The following PKHD1 variants were observed in gnomAD, a reference collection of about 807,000 sequenced individuals.
The protein encoded by PKHD1 is PKHD1 ciliary IPT domain containing fibrocystin/polyductin.
In PKHD1, 291 loss-of-function variants were observed where a neutral mutation model predicts 412.0. The observed-to-expected ratio is 0.71, with a 90% confidence interval of 0.64 to 0.78. The LOEUF (loss-of-function observed/expected upper bound fraction) is 0.78. Ranked by LOEUF, PKHD1 falls within the 30% of genes least tolerant of loss-of-function variation. The probability of loss-of-function intolerance (pLI) is 0.00; values close to 1 mark genes in which losing one functional copy is unlikely to be tolerated. For synonymous variants in PKHD1, 1,777 were observed against 1,821.5 expected (o/e 0.98, Z 0.62); for missense variants, 4,825 against 4,950.7 (o/e 0.97, Z 0.76).
At chr6:51,950,220 A>ATATATATAT (rs1554156415) in intron 36 of PKHD1, among the ~76,000 whole-genome samples, 1,004 of 98,284 alleles carry the variant, frequency 0.01, 8 homozygotes, top group Middle Eastern at 0.014. Flanking sequence ...GAAAAAAAAA[A>ATATATATAT]ATATATATAT....
intron 43 of PKHD1, among the ~76,000 whole-genome samples, chr6:51,889,437 G>A (rs1038752364): frequency 6.6e-6 from 1 of 152,180 alleles, no homozygotes; most frequent in Admixed American, 6.5e-5. Flanking sequence ...TGGTAGAGTT[G>A]TCATATTTAG....
chr6:51,767,091 C>A (rs1789177403), intron 55 of PKHD1, among the ~76,000 whole-genome samples: 1 of 151,944 alleles, frequency 6.6e-6, no homozygotes, highest in Non-Finnish European at 1.5e-5. Flanking sequence ...TTATTCCAGC[C>A]TGTCTTCAAC....
chr6:51,982,154 CGCCCGGCA>C, intron 35 of PKHD1, among the ~76,000 whole-genome samples: 1 of 38,868 alleles, frequency 2.6e-5, no homozygotes, highest in South Asian at 9.0e-4. Context: ...GGAGCGTCTC[CGCCCGGCA>C]GCCACCCCGT....
At chr6:51,679,710 C>T (rs1182456603) in intron 60 of PKHD1, among the ~76,000 whole-genome samples, 7 of 152,124 alleles carry the variant, frequency 4.6e-5, no homozygotes, top group East Asian at 1.9e-4. Context: ...TGACCCAACT[C>T]GGTGATTCCC....
intron 39 of PKHD1, among the ~76,000 whole-genome samples, chr6:51,910,682 T>C (rs1330091077): frequency 6.6e-6 from 1 of 152,166 alleles, no homozygotes; most frequent in Non-Finnish European, 1.5e-5. Context: ...TGGCAAAATA[T>C]GATCTCAGAA....
intron 65 of PKHD1, among the ~76,000 whole-genome samples, chr6:51,631,037 G>A (rs1767859882): frequency 6.6e-6 from 1 of 152,110 alleles, no homozygotes; most frequent in African/African-American, 2.4e-5. Flanking sequence ...GATCAAAAGT[G>A]GAGATAGCAG....
At position 52,064,965 on chromosome 6, in the gene PKHD1, G is replaced by A. The variant is rs761885512; in HGVS notation, c.966C>T (p.Thr322=). ...TGGTGGCTTCCTTACCTGGCTGAGG[G>A]GTGGTGAGCCTCACATCTTTTCCTG... is the stretch of plus-strand genomic sequence containing the variant. ...RAPGKDVRLT[T]PQPGNRGLLF... Residue 322 remains threonine, a synonymous_variant, in exon 13 of 67, where the codon ACC becomes ACT. Transcript: ENST00000371117. 1.3e-6 allele frequency: 2 copies of A among 1,594,944 alleles called. No individual in the cohort carries two copies. Among genetic ancestry groups the A allele is most frequent in the African/African-American group, 1.4e-5 (1 of 72,448 alleles).
At chr6:51,965,220 T>C (rs1180457584) in intron 35 of PKHD1, among the ~76,000 whole-genome samples, 16 of 152,126 alleles carry the variant, frequency 1.1e-4, no homozygotes, top group Admixed American at 9.8e-4. Flanking sequence ...AATAGCCAGA[T>C]AATTAAAGTG....
intron 35 of PKHD1, among the ~76,000 whole-genome samples, chr6:52,006,345 GT>G (rs1443283370): frequency 2.0e-5 from 3 of 147,058 alleles, no homozygotes; most frequent in Non-Finnish European, 4.5e-5. Flanking sequence ...TGATTTTTTG[GT>G]TTGTTTTTTG....
intron 53 of PKHD1, among the ~76,000 whole-genome samples, chr6:51,779,070 C>A (rs192197098): frequency 6.6e-6 from 1 of 152,228 alleles, no homozygotes; most frequent in African/African-American, 2.4e-5. Context: ...AGAAACTTGT[C>A]CTCAAGAACT....
chr6:51,929,881 AAGAC>A (rs1786302809), intron 37 of PKHD1, among the ~76,000 whole-genome samples: 1 of 152,322 alleles, frequency 6.6e-6, no homozygotes, highest in South Asian at 2.1e-4. Flanking sequence ...GAAAAGGACA[AAGAC>A]AGAAGTCCAG....
rs770569215 is a variant in PKHD1 at position 51,748,003 on chromosome 6, T to C, written c.9613A>G (p.Ile3205Val). 1.2e-6 allele frequency: 2 copies of C among 1,614,124 alleles called. No individual in the cohort carries two copies. The highest frequency in any genetic ancestry group is 1.7e-6 in the Non-Finnish European group (2 of 1,179,982). Reference protein sequence around the residue: ...KVQIVLRNSVIVATSSSFDCI... With the variant: ...KVQIVLRNSVVVATSSSFDCI... Reference sequence around the variant, plus strand: ...TCAAAAGAAGAGCTGGTGGCCACAATGACTGAATTCCTAAGCACAATCTGC... The same window carrying C: ...TCAAAAGAAGAGCTGGTGGCCACAACGACTGAATTCCTAAGCACAATCTGC... The change falls in exon 58 of 67, where the codon ATT becomes GTT. Residue 3205 changes from isoleucine (I) to valine (V), a missense_variant. Coordinates refer to ENST00000371117, the MANE Select transcript of PKHD1 (RefSeq NM_138694.4).
intron 53 of PKHD1, among the ~76,000 whole-genome samples, chr6:51,789,661 CTT>C (rs1396114837): frequency 1.7e-4 from 26 of 152,092 alleles, no homozygotes; most frequent in Admixed American, 1.7e-3. Flanking sequence ...CACTTGGAAA[CTT>C]TGAGTGATCA....
chr6:51,799,532 A>G (rs1762591125), intron 52 of PKHD1, among the ~76,000 whole-genome samples: 1 of 152,214 alleles, frequency 6.6e-6, no homozygotes, highest in African/African-American at 2.4e-5. Context: ...GGAGTCTATC[A>G]ATGTGTCTAT....
At chr6:52,015,046 T>C (rs1275351657) in intron 34 of PKHD1, among the ~76,000 whole-genome samples, 4 of 152,144 alleles carry the variant, frequency 2.6e-5, no homozygotes, top group Non-Finnish European at 5.9e-5. Flanking sequence ...CAGCCTTTTC[T>C]CTAGTAACCT....
At chr6:51,981,099 G>A (rs754194451) in intron 35 of PKHD1, among the ~76,000 whole-genome samples, 7 of 151,820 alleles carry the variant, frequency 4.6e-5, no homozygotes, top group Non-Finnish European at 8.8e-5. Context: ...TGGAACACAT[G>A]CCTGCCTCTA....
intron 41 of PKHD1, 139 bp downstream of exon 41, chr6:51,906,076 T>G (rs1228779419): frequency 1.4e-6 from 1 of 715,740 alleles, no homozygotes; most frequent in Non-Finnish European, 2.4e-6. Context: ...AAATTTAGAA[T>G]GTTTTACTGT....
chr6:51,943,223 A>G (rs1355492644), intron 36 of PKHD1, among the ~76,000 whole-genome samples: 1 of 151,374 alleles, frequency 6.6e-6, no homozygotes, highest in Non-Finnish European at 1.5e-5. Flanking sequence ...TCAGCCACCA[A>G]CTTAAAAAGG....
At chr6:51,987,109 A>T (rs1796312900) in intron 35 of PKHD1, among the ~76,000 whole-genome samples, 1 of 152,242 alleles carries the variant, frequency 6.6e-6, no homozygotes, top group African/African-American at 2.4e-5. Flanking sequence ...ATAGAACACC[A>T]ACCAGCAAGG....
Sources: gnomAD v4.1 joint callset for allele counts (sites outside exome capture counted in the v4.1 genomes callset) on GRCh38, gnomAD v4.1.1 for gene constraint, MANE v1.5 for transcripts, NCBI Gene and HGNC (gene_info 2026-07-23, HGNC 2026-07-21) for gene names.